FLRT2: variants seen among roughly 807,000 people sequenced by gnomAD.
The protein encoded by FLRT2 is fibronectin leucine rich transmembrane protein 2.
FLRT2 carries 15 observed loss-of-function variants against 40.0 expected under a neutral mutation model. That is an observed-to-expected ratio of 0.38 (90% CI 0.25 to 0.58). The LOEUF is 0.58. FLRT2 is among the 20% of genes least tolerant of loss of function. The pLI is 0.71. For missense variants in FLRT2, 726 were observed against 840.0 expected (o/e 0.86, Z 1.68); for synonymous variants, 380 against 336.8 (o/e 1.13, Z -1.41).
chr14:85,613,434 T>C (rs972964645), intron 1 of FLRT2, among the ~76,000 whole-genome samples: 5 of 152,226 alleles, frequency 3.3e-5, no homozygotes, highest in African/African-American at 1.2e-4. Context: ...TCATCTAGTT[T>C]CTTTATGCCC....
At chr14:85,590,632 C>G (rs1011953430) in intron 1 of FLRT2, among the ~76,000 whole-genome samples, 2 of 152,054 alleles carry the variant, frequency 1.3e-5, no homozygotes, top group African/African-American at 4.8e-5. Context: ...CAGAGTCTCG[C>G]TCTTTCGCCC....
chr14:85,561,772 A>G (rs889603303), intron 1 of FLRT2, among the ~76,000 whole-genome samples: 3 of 152,232 alleles, frequency 2.0e-5, no homozygotes, highest in African/African-American at 7.2e-5. Context: ...AGAATGTCAA[A>G]TTGCCCTTTT....
In FLRT2 at chr14:85,635,721, AAAAG is replaced by A. The variant is rs1288985753; in HGVS notation, c.*12230_*12233del. 3.3e-5 allele frequency: 5 copies of A among 152,246 alleles called. No homozygotes were observed. The highest frequency in any genetic ancestry group is 1.2e-4 in the African/African-American group (5 of 41,584). The allele number at this position is 152,246 out of a possible 1,614,324, so 9.4% of individuals were successfully genotyped here. On this transcript the variant is annotated 3_prime_UTR_variant, in exon 2 of 2. Transcript: ENST00000330753. ...ACAAACATACAATTATGGTTTAAAA[AAAAG>A]AAAGATGAAAACTTTTTAGAATAAT...
At position 85,628,854 on chromosome 14, in the gene FLRT2, C is replaced by T. The variant is rs188005830; in HGVS notation, c.*5357C>T. On this transcript the variant is annotated 3_prime_UTR_variant, in exon 2 of 2. Coordinates refer to ENST00000330753, the MANE Select transcript of FLRT2 (RefSeq NM_013231.6). ...AGACCTTATTCTATACAGACTAAAC[C>T]ATTAGTCAAAAAATACCATTCATTC... 1.3e-5 allele frequency: 2 copies of T among 152,216 alleles called. No homozygotes were observed. The highest frequency in any genetic ancestry group is 2.9e-5 in the Non-Finnish European group (2 of 68,006). The allele number at this position is 152,216 out of a possible 1,614,324, so 9.4% of individuals were successfully genotyped here. A position where few individuals can be genotyped will look rare whatever the true frequency, so the allele number is the denominator to read the frequency against.
Position 85,648,657 on chromosome 14 carries a change from C to T in FLRT2, c.*25160C>T, listed in dbSNP as rs962944697. 1 of 152,020 alleles carries T rather than the reference C, an allele frequency of 6.6e-6. No individual in the cohort carries two copies. The highest frequency in any genetic ancestry group is 1.9e-4 in the East Asian group (1 of 5,166). 9.4% of individuals were successfully genotyped at this position (152,020 alleles called of 1,614,324 possible). ...TTCTAAGTGTATAATTGCCCATTTT[C>T]CCTAAATACCTAGGTAGGTTTTATT... On this transcript the variant is annotated 3_prime_UTR_variant, in exon 2 of 2. Transcript: ENST00000330753.
At position 85,650,062 on chromosome 14, in the gene FLRT2, A is replaced by G. The variant is rs1263929719; in HGVS notation, c.*26565A>G. On this transcript the variant is annotated 3_prime_UTR_variant, in exon 2 of 2. Transcript: ENST00000330753. Reference sequence around the variant, plus strand: ...GCTTCATTGCTTTTATTCATTAAAAATTACAAATACAATTGAAGCCCTTGA... The same window carrying G: ...GCTTCATTGCTTTTATTCATTAAAAGTTACAAATACAATTGAAGCCCTTGA... The G allele has an allele frequency of 6.6e-6, 1 of 152,068 alleles. No homozygotes were observed. Among genetic ancestry groups the G allele is most frequent in the East Asian group, 1.9e-4 (1 of 5,190 alleles). The allele number at this position is 152,068 out of a possible 1,614,324, so 9.4% of individuals were successfully genotyped here.
chr14:85,601,024 G>A (rs182637335), intron 1 of FLRT2, among the ~76,000 whole-genome samples: 244 of 152,252 alleles, frequency 1.6e-3, no homozygotes, highest in African/African-American at 5.6e-3. Context: ...ATTGGAAGTC[G>A]TGTCCTACAG....
In FLRT2 at chr14:85,622,847, T is replaced by C; in HGVS notation, c.1333T>C (p.Phe445Leu). The C allele has an allele frequency of 6.2e-7, 1 of 1,614,200 alleles. No homozygotes were observed. Among genetic ancestry groups the C allele is most frequent in the Non-Finnish European group, 8.5e-7 (1 of 1,180,040 alleles). The change falls in exon 2 of 2, where the codon TTC becomes CTC. Residue 445 changes from phenylalanine to leucine, a missense_variant. Around this residue, in one of 3 missense-constraint regions of FLRT2, gnomAD observed 611 missense variants for 690.0 expected, o/e 0.89. Transcript: ENST00000330753. ...CATTCAAGTCAGCTGGCTCTCTCTC[T>C]TCACCGTGATGGCATACAAACTCAC... ...TSIQVSWLSL[F>L]TVMAYKLTWV...
rs1894168526 is a variant in FLRT2 at position 85,642,306 on chromosome 14, G to T, written c.*18809G>T. ...GCATTATAATGGGAATGTTAGGTAG[G>T]TTTAAATTATTCTGACTATACTGAA... On this transcript the variant is annotated 3_prime_UTR_variant, in exon 2 of 2. Coordinates refer to ENST00000330753, the MANE Select transcript of FLRT2 (RefSeq NM_013231.6). 1 of 152,114 alleles carries T rather than the reference G, an allele frequency of 6.6e-6. No individual in the cohort carries two copies. Among genetic ancestry groups the T allele is most frequent in the Non-Finnish European group, 1.5e-5 (1 of 68,024 alleles). The allele number at this position is 152,114 out of a possible 1,614,324, so 9.4% of individuals were successfully genotyped here.
intron 1 of FLRT2, among the ~76,000 whole-genome samples, chr14:85,558,072 G>A (rs7148493): frequency 0.52 from 78,601 of 151,930 alleles, 21,823 homozygotes; most frequent in Non-Finnish European, 0.62. Context: ...AGCATCCGTA[G>A]ACTTCCGTAG....
chr14:85,592,812 A>G (rs1422115061), intron 1 of FLRT2, among the ~76,000 whole-genome samples: 1 of 150,526 alleles, frequency 6.6e-6, no homozygotes, highest in Non-Finnish European at 1.5e-5. Flanking sequence ...AAAAAAGAAA[A>G]AAAAGAAAAC....
intron 1 of FLRT2, among the ~76,000 whole-genome samples, chr14:85,579,511 A>C (rs1213391337): frequency 6.6e-6 from 1 of 152,132 alleles, no homozygotes; most frequent in Admixed American, 6.5e-5. Context: ...AAGTGTCGGA[A>C]AATTTATAAA....
rs529397490 is a variant in FLRT2 at position 85,583,541 on chromosome 14, T to A, written c.-376-37598T>A. On this transcript the variant is annotated intron_variant, in intron 1 of 1. Coordinates refer to ENST00000330753, the MANE Select transcript of FLRT2 (RefSeq NM_013231.6). ...TGGCAACAGTTACTTGAGCCCCAAG[T>A]ACTTCCAGAATTAAGCAGTAGATGC... Among the ~76,000 whole-genome samples the A allele has an allele frequency of 2.1e-4, 32 of 152,290 alleles. 1 individual carries two copies. The highest frequency in any genetic ancestry group is 7.8e-4 in the Admixed American group (12 of 15,310).
At chr14:85,597,939 G>C (rs941725268) in intron 1 of FLRT2, among the ~76,000 whole-genome samples, 1 of 152,184 alleles carries the variant, frequency 6.6e-6, no homozygotes, top group Admixed American at 6.5e-5. Context: ...TACCCACAAA[G>C]TGGTTTATTT....
intron 1 of FLRT2, among the ~76,000 whole-genome samples, chr14:85,591,388 G>A (rs376769416): frequency 6.6e-5 from 10 of 152,158 alleles, no homozygotes; most frequent in Admixed American, 3.3e-4. Flanking sequence ...ATGAAAGCAC[G>A]CATCAGTAGT....
chr14:85,548,865 C>G (rs768345729), intron 1 of FLRT2, among the ~76,000 whole-genome samples: 2 of 152,220 alleles, frequency 1.3e-5, no homozygotes, highest in Admixed American at 6.5e-5. Flanking sequence ...CTGGCCTGCC[C>G]TGTCCCCCAT....
rs1328030117 is a variant in FLRT2 at position 85,632,462 on chromosome 14, C to T, written c.*8965C>T. On this transcript the variant is annotated 3_prime_UTR_variant, in exon 2 of 2. Transcript: ENST00000330753. ...ACTCCAGCCTGGTGACAGAGTGAGA[C>T]TCAAAAAAAAAAAAAAAAAAATCAC... 1.2e-5 allele frequency: 1 copy of T among 83,210 alleles called. No homozygotes were observed. Among genetic ancestry groups the T allele is most frequent in the Non-Finnish European group, 2.2e-5 (1 of 46,350 alleles). The allele number at this position is 83,210 out of a possible 1,614,324, so 5.2% of individuals were successfully genotyped here.
At chr14:85,602,415 C>T (rs1006636787) in intron 1 of FLRT2, among the ~76,000 whole-genome samples, 5 of 152,146 alleles carry the variant, frequency 3.3e-5, no homozygotes, top group African/African-American at 7.2e-5. Context: ...AATTGGAAGG[C>T]GAGATGGCAC....
At chr14:85,566,379 T>C (rs1262183929) in intron 1 of FLRT2, among the ~76,000 whole-genome samples, 1 of 152,120 alleles carries the variant, frequency 6.6e-6, no homozygotes, top group African/African-American at 2.4e-5. Flanking sequence ...GAAGCAAACA[T>C]AACAAAGTAT....
Sources: allele counts gnomAD v4.1 joint callset (sites outside exome capture counted in the v4.1 genomes callset), GRCh38; gene constraint gnomAD v4.1.1; regional missense constraint gnomAD v4.1.1; transcripts MANE v1.5; gene names NCBI Gene and HGNC (gene_info 2026-07-23, HGNC 2026-07-21).